DMD: variants seen among roughly 807,000 people sequenced by gnomAD.
DMD encodes mutant dystrophin.
DMD carries 63 observed loss-of-function variants against 330.1 expected under a neutral mutation model. The observed-to-expected ratio is 0.19, with a 90% CI of 0.16 to 0.24. The LOEUF (loss-of-function observed/expected upper bound fraction) is 0.24. Ranked by LOEUF, DMD falls within the 10% of genes least tolerant of loss-of-function variation. The pLI is 1.00. For missense variants in DMD, 3,344 were observed against 2,684.1 expected, an observed-to-expected ratio of 1.25 and a Z score of -5.43; for synonymous variants, 1,223 against 959.8, an observed-to-expected ratio of 1.27 and a Z score of -5.07.
intron 29 of DMD, among the ~76,000 whole-genome samples, chrX:32,416,635 C>T (rs1455175113): frequency 8.9e-6 from 1 of 111,771 alleles, no homozygotes. Context: ...TTGGCCCCAA[C>T]CTGACTGTCC....
chrX:31,375,300 T>C (rs2059830844), intron 60 of DMD, among the ~76,000 whole-genome samples: 1 of 111,869 alleles, frequency 8.9e-6, no homozygotes, highest in Admixed American at 9.5e-5. Context: ...TGCAACTGCA[T>C]GGTGAACCAG....
intron 12 of DMD, 55 bp downstream of exon 12, chrX:32,614,248 A>G (rs2057390592): frequency 1.9e-6 from 2 of 1,074,615 alleles, no homozygotes; most frequent in Non-Finnish European, 1.3e-6. Context: ...GTGTATAGGT[A>G]CTATACACAG....
intron 44 of DMD, among the ~76,000 whole-genome samples, chrX:32,008,919 G>A (rs897575452): frequency 3.9e-4 from 43 of 111,366 alleles, no homozygotes; most frequent in Non-Finnish European, 7.0e-4. Context: ...CCCAGAATAT[G>A]AAAGTCAGAA....
At chrX:32,463,135 T>C (rs1340629435) in intron 25 of DMD, among the ~76,000 whole-genome samples, 1 of 111,813 alleles carries the variant, frequency 8.9e-6, no homozygotes. Context: ...TATTATACAT[T>C]TATGTTCTGA....
At chrX:32,849,070 T>G (rs2149010411) in intron 3 of DMD, among the ~76,000 whole-genome samples, 1 of 111,592 alleles carries the variant, frequency 9.0e-6, no homozygotes, top group South Asian at 3.8e-4. Flanking sequence ...TAGCAGAATT[T>G]GATAGGTAGA....
intron 18 of DMD, among the ~76,000 whole-genome samples, chrX:32,502,664 A>G (rs2044173478): frequency 8.9e-6 from 1 of 112,587 alleles, no homozygotes; most frequent in Non-Finnish European, 1.9e-5. Context: ...ATTAAAATAT[A>G]GTAAGAACAA....
chrX:31,156,938 T>C (rs2038203710), intron 74 of DMD, among the ~76,000 whole-genome samples: 1 of 111,717 alleles, frequency 9.0e-6, no homozygotes, highest in South Asian at 3.8e-4. Flanking sequence ...CCCCCAAATT[T>C]TGGAATTATT....
rs1411710016 is a variant in DMD at position 32,399,168 on chromosome X, G to A, written c.4234-8987C>T. Among the ~76,000 whole-genome samples, 4 of 111,750 alleles carry A rather than the reference G, an allele frequency of 3.6e-5. No individual in the cohort carries two copies. In the Admixed American group the frequency reaches 3.8e-4, roughly 11 times the overall value. The stretch of plus-strand genomic sequence containing the variant: ...CTTTGGGAGAAACCTCCAGAACATT[G>A]GTCTAGGCAAGAAATTCTTGAACCA... On this transcript the variant is annotated intron_variant, in intron 30 of 78. Transcript: ENST00000357033.
At position 31,398,409 on chromosome X, in the gene DMD, A is replaced by C. The variant is rs186513774; in HGVS notation, c.9084+46072T>G. Among the ~76,000 whole-genome samples the C allele has an allele frequency of 3.4e-3, 383 of 112,324 alleles. 3 individuals carry two copies. Among genetic ancestry groups the C allele is most frequent in the Non-Finnish European group, 5.1e-3 (271 of 53,263 alleles). On this transcript the variant is annotated intron_variant, in intron 60 of 78. Coordinates refer to ENST00000357033, the MANE Select transcript of DMD (RefSeq NM_004006.3). ...AGGGCCAGAGGCCGAAGAGTAAATA[A>C]GGTTGCAAGGGGGTAGGGTGGGGAG...
intron 7 of DMD, among the ~76,000 whole-genome samples, chrX:32,784,274 T>C: frequency 8.9e-6 from 1 of 111,927 alleles, no homozygotes; most frequent in Middle Eastern, 4.6e-3. Flanking sequence ...CCAATTTCTC[T>C]TGTAAATGTT....
chrX:31,441,086 T>G (rs191120438), intron 60 of DMD, among the ~76,000 whole-genome samples: 1 of 112,716 alleles, frequency 8.9e-6, no homozygotes, highest in Non-Finnish European at 1.9e-5. Context: ...CACGGCCTGA[T>G]AGTATGTAAC....
chrX:32,773,926 T>C (rs1205822172), intron 7 of DMD, among the ~76,000 whole-genome samples: 1 of 111,851 alleles, frequency 8.9e-6, no homozygotes, highest in Admixed American at 9.5e-5. Context: ...GGGCTTTAGT[T>C]TACACTTGCA....
At chrX:32,047,852 C>T (rs192899958) in intron 44 of DMD, among the ~76,000 whole-genome samples, 1 of 110,383 alleles carries the variant, frequency 9.1e-6, no homozygotes, top group East Asian at 2.9e-4. Flanking sequence ...GCAATTCATA[C>T]ATTGACATTC....
At chrX:32,057,642 T>A (rs2096188113) in intron 44 of DMD, among the ~76,000 whole-genome samples, 1 of 111,798 alleles carries the variant, frequency 8.9e-6, no homozygotes, top group Non-Finnish European at 1.9e-5. Context: ...ATACATCTGA[T>A]GTGTCATTTA....
chrX:32,178,826 AGG>A (rs202159061), intron 44 of DMD, among the ~76,000 whole-genome samples: 1,331 of 30,275 alleles, frequency 0.044, 24 homozygotes, highest in African/African-American at 0.15. Flanking sequence ...AAAATATTCC[AGG>A]GGGTGTGTGT....
At chrX:32,673,196 C>T (rs753113076) in intron 9 of DMD, among the ~76,000 whole-genome samples, 1 of 110,898 alleles carries the variant, frequency 9.0e-6, no homozygotes, top group East Asian at 2.9e-4. Flanking sequence ...TAATGTGGAA[C>T]AGGCTGAATT....
chrX:31,320,536 G>T (rs5972372), intron 62 of DMD, among the ~76,000 whole-genome samples: 33,732 of 110,990 alleles, frequency 0.3, 5,662 homozygotes, highest in African/African-American at 0.65. Flanking sequence ...CACTGTAAAC[G>T]TATTTTTGTT....
At chrX:31,999,250 G>C (rs1208176463) in intron 44 of DMD, among the ~76,000 whole-genome samples, 1 of 111,584 alleles carries the variant, frequency 9.0e-6, no homozygotes, top group African/African-American at 3.3e-5. Flanking sequence ...CTAATAACTG[G>C]ATAAGCTCTT....
At chrX:32,943,469 A>T (rs1460149851) in intron 2 of DMD, among the ~76,000 whole-genome samples, 1 of 111,164 alleles carries the variant, frequency 9.0e-6, no homozygotes, top group East Asian at 2.8e-4. Context: ...TTTTTCATGT[A>T]TGTATTTGGA....
Sources: gnomAD v4.1 joint callset for allele counts (sites outside exome capture counted in the v4.1 genomes callset) on GRCh38, gnomAD v4.1.1 for gene constraint, MANE v1.5 for transcripts, NCBI Gene and HGNC (gene_info 2026-07-23, HGNC 2026-07-21) for gene names.